CIMIP6: variants seen among roughly 807,000 people sequenced by gnomAD.
CIMIP6 encodes the protein ciliary microtubule inner protein 6.
chr2:54,338,974 AC>A, the CIMIP6 span, among the ~76,000 whole-genome samples: 245 of 63,658 alleles, frequency 3.8e-3, 85 homozygotes, highest in African/African-American at 0.013. Flanking sequence ...ACATGGTGAG[AC>A]CCCCCCCCAT....
chr2:54,364,078 A>G, the CIMIP6 span, among the ~76,000 whole-genome samples: 1 of 152,220 alleles, frequency 6.6e-6, no homozygotes, highest in African/African-American at 2.4e-5. Flanking sequence ...AACTTTCAGT[A>G]TCCATTGTGT....
At chr2:54,359,057 G>T in the CIMIP6 span, 1 of 1,520,568 alleles carries the variant, frequency 6.6e-7, no homozygotes, top group South Asian at 1.3e-5. Context: ...AACTCCGAAT[G>T]AGCCTCTCCA....
the CIMIP6 span, among the ~76,000 whole-genome samples, chr2:54,354,509 A>G: frequency 1.3e-5 from 2 of 152,114 alleles, no homozygotes; most frequent in Admixed American, 6.5e-5. Flanking sequence ...CTTTAACAGA[A>G]TTTAAATTTT....
chr2:54,378,859 C>G, the CIMIP6 span, among the ~76,000 whole-genome samples: 1 of 152,178 alleles, frequency 6.6e-6, no homozygotes, highest in Non-Finnish European at 1.5e-5. Flanking sequence ...GTTATCTCTA[C>G]TCCTAAGTTT....
the CIMIP6 span, among the ~76,000 whole-genome samples, chr2:54,379,489 T>A: frequency 2.0e-5 from 3 of 152,264 alleles, no homozygotes; most frequent in African/African-American, 7.2e-5. Context: ...TGAGGTGAGA[T>A]CTGCATCTCC....
the CIMIP6 span, among the ~76,000 whole-genome samples, chr2:54,350,960 G>C: frequency 1.3e-5 from 2 of 152,128 alleles, no homozygotes; most frequent in African/African-American, 4.8e-5. Context: ...ATCTGTTTCA[G>C]TATAAGATTT....
the CIMIP6 span, among the ~76,000 whole-genome samples, chr2:54,352,609 C>G: frequency 6.6e-6 from 1 of 152,124 alleles, no homozygotes; most frequent in African/African-American, 2.4e-5. Flanking sequence ...AATACATTAA[C>G]TATGGTTACC....
At chr2:54,357,626 G>C in the CIMIP6 span, among the ~76,000 whole-genome samples, 1 of 149,798 alleles carries the variant, frequency 6.7e-6, no homozygotes, top group African/African-American at 2.5e-5. Context: ...ACCCAGGCTG[G>C]AGTGCAGTGG....
the CIMIP6 span, chr2:54,344,000 A>G: frequency 1.2e-6 from 1 of 835,102 alleles, no homozygotes; most frequent in Non-Finnish European, 1.7e-6. Flanking sequence ...AAATACACAC[A>G]CAGCAAATAC....
chr2:54,375,571 G>A, the CIMIP6 span, among the ~76,000 whole-genome samples: 1 of 152,152 alleles, frequency 6.6e-6, no homozygotes, highest in Non-Finnish European at 1.5e-5. Flanking sequence ...TTGTACACGT[G>A]TATATGTTTT....
At chr2:54,365,949 G>T in the CIMIP6 span, among the ~76,000 whole-genome samples, 1 of 152,148 alleles carries the variant, frequency 6.6e-6, no homozygotes, top group Non-Finnish European at 1.5e-5. Context: ...GGAAGACAGA[G>T]AATAGAATGT....
the CIMIP6 span, among the ~76,000 whole-genome samples, chr2:54,342,612 GTT>G: frequency 2.1e-5 from 3 of 141,508 alleles, no homozygotes; most frequent in Non-Finnish European, 3.1e-5. Context: ...AGCCACATAG[GTT>G]TTTTTTTTTT....
the CIMIP6 span, among the ~76,000 whole-genome samples, chr2:54,343,567 T>G: frequency 6.6e-6 from 1 of 152,222 alleles, no homozygotes; most frequent in Non-Finnish European, 1.5e-5. Context: ...ACATTTTTTG[T>G]GAAAAGATAT....
chr2:54,370,358 G>A, the CIMIP6 span, among the ~76,000 whole-genome samples: 3 of 152,042 alleles, frequency 2.0e-5, no homozygotes, highest in Non-Finnish European at 2.9e-5. Context: ...ACCTTTACAA[G>A]AGTGTTGTGG....
At chr2:54,372,453 G>C in the CIMIP6 span, among the ~76,000 whole-genome samples, 1 of 152,190 alleles carries the variant, frequency 6.6e-6, no homozygotes, top group Non-Finnish European at 1.5e-5. Context: ...CTCCTATTGA[G>C]AGGTGGAGTC....
chr2:54,356,254 G>A, the CIMIP6 span, among the ~76,000 whole-genome samples: 1 of 152,136 alleles, frequency 6.6e-6, no homozygotes, highest in African/African-American at 2.4e-5. Context: ...GCCCAAGGGG[G>A]CAACATGTAC....
At chr2:54,337,401 G>C in the CIMIP6 span, among the ~76,000 whole-genome samples, 1 of 152,112 alleles carries the variant, frequency 6.6e-6, no homozygotes, top group African/African-American at 2.4e-5. Context: ...AATTATTTCA[G>C]AAAGAAATCA....
chr2:54,338,249 C>T, the CIMIP6 span, among the ~76,000 whole-genome samples: 1 of 152,084 alleles, frequency 6.6e-6, no homozygotes, highest in East Asian at 1.9e-4. Context: ...TCCTGGGCAA[C>T]ATAGTGAGAC....
chr2:54,364,782 C>A, the CIMIP6 span, among the ~76,000 whole-genome samples: 1 of 152,216 alleles, frequency 6.6e-6, no homozygotes, highest in African/African-American at 2.4e-5. Context: ...CTTTGTTAGA[C>A]TCCTTACTGC....
Sources: allele counts gnomAD v4.1 joint callset (sites outside exome capture counted in the v4.1 genomes callset), GRCh38; gene constraint gnomAD v4.1.1; transcripts MANE v1.5; gene names NCBI Gene and HGNC (gene_info 2026-07-23, HGNC 2026-07-21).